Variants in TF observed in about 807,000 individuals in gnomAD.
The protein encoded by TF is serotransferrin.
In TF, 55 loss-of-function variants were observed where a neutral mutation model predicts 82.4. That is an observed-to-expected ratio of 0.67 (90% CI 0.54 to 0.84). The LOEUF (loss-of-function observed/expected upper bound fraction) is 0.84. TF is among the 40% of genes least tolerant of loss of function. The pLI is 0.00. For synonymous variants in TF, 332 were observed against 332.6 expected, an observed-to-expected ratio of 1.00 and a Z score of 0.02; for missense variants, 737 against 868.4, an observed-to-expected ratio of 0.85 and a Z score of 1.90.
chr3:133,784,357 C>G lies in TF; in HGVS notation c.*5737C>G, dbSNP rs558331904. 9.2e-5 allele frequency: 14 copies of G among 152,082 alleles called. No individual in the cohort carries two copies. The South Asian group carries it at 2.7e-3, about 29-fold the overall frequency. 9.4% of individuals were successfully genotyped at this position (152,082 alleles called of 1,614,324 possible). A position where few individuals can be genotyped will look rare whatever the true frequency, so the allele number is the denominator to read the frequency against. ...TGAAGAAGCTGCTCTCAACTTCCCC[C>G]CCAGCCTTTTAAAAGAAAACATTTG... is the stretch of plus-strand genomic sequence containing the variant. On this transcript the variant is annotated 3_prime_UTR_variant, in exon 17 of 17. Coordinates refer to ENST00000402696, the MANE Select transcript of TF (RefSeq NM_001063.4).
upstream of TF, among the ~76,000 whole-genome samples, chr3:133,744,991 G>A (rs879245942): frequency 1.3e-5 from 2 of 152,168 alleles, no homozygotes; most frequent in Admixed American, 6.5e-5. Flanking sequence ...GGGGAGTGCC[G>A]ACCCTGCCCT....
At chr3:133,712,352 G>A in the TF span, among the ~76,000 whole-genome samples, 11 of 152,230 alleles carry the variant, frequency 7.2e-5, no homozygotes, top group African/African-American at 1.9e-4. Context: ...CGGGTTCTGC[G>A]AGCCAGGACT....
chr3:133,772,385 A>G (rs1342823862), intron 14 of TF, among the ~76,000 whole-genome samples: 3 of 152,124 alleles, frequency 2.0e-5, no homozygotes, highest in Non-Finnish European at 4.4e-5. Context: ...ATGACTCAAA[A>G]ATTCTTCCCT....
the TF span, among the ~76,000 whole-genome samples, chr3:133,665,354 C>CT: frequency 6.6e-6 from 1 of 151,456 alleles, no homozygotes; most frequent in Non-Finnish European, 1.5e-5. Context: ...GTAGTCTCAG[C>CT]TACTCAGGAG....
intron 3 of TF, 164 bp downstream of exon 3, chr3:133,753,867 G>A: frequency 1.4e-6 from 1 of 701,686 alleles, no homozygotes; most frequent in Non-Finnish European, 2.6e-6. Context: ...CACACATCAA[G>A]GCCTCTGGGG....
chr3:133,780,908 G>A lies in TF; in HGVS notation c.*2288G>A, dbSNP rs1934502602. ...CACACCTGTAGTCCCAGCTACTCAG[G>A]AGGCTGAAGCATGAGAAGTGCTTGA... On this transcript the variant is annotated 3_prime_UTR_variant, in exon 17 of 17. Coordinates refer to ENST00000402696, the MANE Select transcript of TF (RefSeq NM_001063.4). 1 of 152,212 alleles carries A rather than the reference G, an allele frequency of 6.6e-6. No homozygotes were observed. The highest frequency in any genetic ancestry group is 2.4e-5 in the African/African-American group (1 of 41,426). 9.4% of individuals were successfully genotyped at this position (152,212 alleles called of 1,614,324 possible).
At chr3:133,685,471 A>G in the TF span, among the ~76,000 whole-genome samples, 1 of 152,210 alleles carries the variant, frequency 6.6e-6, no homozygotes, top group Non-Finnish European at 1.5e-5. Flanking sequence ...TCAGCCCAAA[A>G]TCTCCTTAAG....
upstream of TF, chr3:133,746,125 GCCGCTCCTGGCA>G (rs1933490292): frequency 6.2e-6 from 3 of 483,254 alleles, no homozygotes; most frequent in Non-Finnish European, 7.6e-6. Context: ...GCCCGCCGTA[GCCGCTCCTGGCA>G]CCGAGCGAGC....
rs543360699 is a variant in TF, at chr3:133,750,801, C to CT, written c.216+2220dup. The stretch of plus-strand genomic sequence containing the variant: ...AAAAATATATATATATTTTATTATA[C>CT]TTTAAGTTCTAGGGTACAAGTGCAC... On this transcript the variant is annotated intron_variant, in intron 2 of 16. Transcript: ENST00000402696. Among the ~76,000 whole-genome samples, 503 of 152,066 alleles carry CT rather than the reference C, an allele frequency of 3.3e-3. 3 individuals are homozygous for CT. Among genetic ancestry groups the CT allele is most frequent in the African/African-American group, 0.011 (476 of 41,518 alleles).
intron 1 of TF, 63 bp downstream of exon 1, chr3:133,746,546 C>A: frequency 6.5e-7 from 1 of 1,534,294 alleles, no homozygotes; most frequent in Non-Finnish European, 8.8e-7. Context: ...GCAACCCGGG[C>A]GGCCACCGCG....
chr3:133,775,337 G>C (rs193259194), intron 14 of TF, 96 bp from the exon 15 acceptor site: 2 of 1,301,316 alleles, frequency 1.5e-6, no homozygotes, highest in Admixed American at 3.4e-5. Context: ...TGGCGAGAAG[G>C]CCCAGGTTCT....
the TF span, among the ~76,000 whole-genome samples, chr3:133,734,210 G>A: frequency 3.3e-5 from 5 of 152,284 alleles, no homozygotes; most frequent in Non-Finnish European, 7.4e-5. Flanking sequence ...TGTCTGGAGA[G>A]CCTAGTATCA....
chr3:133,767,412 G>C (rs949621964), intron 12 of TF, among the ~76,000 whole-genome samples: 3 of 152,180 alleles, frequency 2.0e-5, no homozygotes, highest in Non-Finnish European at 2.9e-5. Context: ...AAACCCTGTG[G>C]GGTCAGGGAA....
the TF span, among the ~76,000 whole-genome samples, chr3:133,683,757 A>G: frequency 6.6e-6 from 1 of 152,184 alleles, no homozygotes; most frequent in African/African-American, 2.4e-5. Context: ...ATAATGGGAG[A>G]CTTTAACACC....
intron 13 of TF, among the ~76,000 whole-genome samples, chr3:133,768,733 T>C (rs1934188632): frequency 6.6e-6 from 1 of 151,962 alleles, no homozygotes; most frequent in Admixed American, 6.6e-5. Flanking sequence ...ACAATTGTAC[T>C]TTATGGAGTG....
chr3:133,692,196 G>A, the TF span, among the ~76,000 whole-genome samples: 4 of 152,354 alleles, frequency 2.6e-5, no homozygotes, highest in East Asian at 7.7e-4. Flanking sequence ...ACCCTGCCTG[G>A]GCAACAGAAC....
chr3:133,742,639 C>A (rs1478289882), upstream of TF, among the ~76,000 whole-genome samples: 1 of 152,144 alleles, frequency 6.6e-6, no homozygotes, highest in Non-Finnish European at 1.5e-5. Flanking sequence ...TGCCAGGCTG[C>A]TGCTTCTCAA....
chr3:133,696,385 A>AC, the TF span, among the ~76,000 whole-genome samples: 1 of 152,020 alleles, frequency 6.6e-6, no homozygotes, highest in Admixed American at 6.5e-5. Context: ...ATAAGTATGT[A>AC]GTATAGAAAA....
chr3:133,693,375 C>T, the TF span, among the ~76,000 whole-genome samples: 1 of 152,176 alleles, frequency 6.6e-6, no homozygotes, highest in Non-Finnish European at 1.5e-5. Context: ...GCTCCCTGTT[C>T]AGTTATGTTG....
Sources: allele counts gnomAD v4.1 joint callset (sites outside exome capture counted in the v4.1 genomes callset), GRCh38; gene constraint gnomAD v4.1.1; transcripts MANE v1.5; gene names NCBI Gene and HGNC (gene_info 2026-07-23, HGNC 2026-07-21).